LRP1-AS: variants seen among roughly 807,000 people sequenced by gnomAD.
LRP1-AS encodes the protein LRP1 antisense RNA.
intron 1 of LRP1-AS, chr12:57,145,410 C>A (rs756497827): frequency 1.2e-6 from 2 of 1,614,138 alleles, no homozygotes; most frequent in Admixed American, 1.7e-5. Flanking sequence ...GCTGCTCAGA[C>A]GCAGCTCAAG....
intron 1 of LRP1-AS, among the ~76,000 whole-genome samples, chr12:57,145,816 G>A (rs1240077306): frequency 6.6e-6 from 1 of 152,142 alleles, no homozygotes; most frequent in Non-Finnish European, 1.5e-5. Flanking sequence ...ACTTTCCGGT[G>A]CAGTGGGAGC....
At chr12:57,145,427 C>G in intron 1 of LRP1-AS, 1 of 1,614,118 alleles carries the variant, frequency 6.2e-7, no homozygotes, top group Non-Finnish European at 8.5e-7. Context: ...CAAGTGTGCC[C>G]GCATGCCTGG....
exon 2 of LRP1-AS, chr12:57,144,946 C>T: frequency 6.2e-7 from 1 of 1,609,922 alleles, no homozygotes; most frequent in Non-Finnish European, 8.5e-7. Context: ...CTGGAAATGA[C>T]CACATTCTTG....
chr12:57,146,965 C>T (rs1191150384), intron 1 of LRP1-AS, among the ~76,000 whole-genome samples: 3 of 152,014 alleles, frequency 2.0e-5, no homozygotes. Context: ...ATACAGTGGG[C>T]TTCTGGGTAG....
At chr12:57,147,304 C>T (rs1302089677) in intron 1 of LRP1-AS, 1 of 152,250 alleles carries the variant, frequency 6.6e-6, no homozygotes, top group Admixed American at 6.5e-5. Flanking sequence ...CTCCCACAAA[C>T]TAATTATGGG....
At chr12:57,147,068 C>T (rs1215681301) in intron 1 of LRP1-AS, among the ~76,000 whole-genome samples, 1 of 152,112 alleles carries the variant, frequency 6.6e-6, no homozygotes, top group Non-Finnish European at 1.5e-5. Flanking sequence ...GCTGGTACCC[C>T]TCCCTTGGCA....
chr12:57,145,319 C>G lies in LRP1-AS; in HGVS notation n.182-236G>C. The G allele has an allele frequency of 1.9e-6, 3 of 1,614,170 alleles. No homozygotes were observed. The East Asian group carries it at 6.7e-5, about 36-fold the overall frequency. On this transcript the variant is annotated intron_variant and non_coding_transcript_variant, in intron 1 of 1. Transcript: ENST00000555461. ...TGGGGCCCAGGTGTCTACCATCACA[C>G]CTACGAGCACGCGGCAGACCACAGC...
In LRP1-AS at chr12:57,144,822, A is replaced by C. The variant is rs1221908705; in HGVS notation, n.443T>G. 4 of 755,482 alleles carry C rather than the reference A, an allele frequency of 5.3e-6. No individual in the cohort carries two copies. The East Asian group carries it at 1.0e-4, about 19-fold the overall frequency. 46.8% of individuals were successfully genotyped at this position (755,482 alleles called of 1,614,324 possible). On this transcript the variant is annotated non_coding_transcript_exon_variant, in exon 2 of 2. Coordinates refer to ENST00000555461, the Ensembl canonical transcript of LRP1-AS. ...CCAAGACTGGACTTGCTGGGTGTTA[A>C]GGTTTGCACATTTCATGCTGTAATA...
At chr12:57,146,157 C>T (rs1019837764) in intron 1 of LRP1-AS, among the ~76,000 whole-genome samples, 2 of 152,152 alleles carry the variant, frequency 1.3e-5, no homozygotes, top group Non-Finnish European at 2.9e-5. Context: ...ACGAGCATAG[C>T]TGGGTGTAGA....
At chr12:57,145,163 G>A (rs1178357189) in intron 1 of LRP1-AS, 4 of 1,613,304 alleles carry the variant, frequency 2.5e-6, no homozygotes, top group Non-Finnish European at 3.4e-6. Flanking sequence ...TCCCTGGTGG[G>A]TGGTGGCCTG....
At chr12:57,147,048 C>T (rs1166150741) in intron 1 of LRP1-AS, among the ~76,000 whole-genome samples, 2 of 152,130 alleles carry the variant, frequency 1.3e-5, no homozygotes, top group East Asian at 3.9e-4. Flanking sequence ...TGACTTCCTC[C>T]CCAGGAGAAG....
intron 1 of LRP1-AS, chr12:57,145,189 GC>G: frequency 6.2e-7 from 1 of 1,613,728 alleles, no homozygotes. Context: ...TGGTCCTAGA[GC>G]CCTGGCTGCA....
intron 1 of LRP1-AS, among the ~76,000 whole-genome samples, chr12:57,145,951 A>G (rs1040291106): frequency 6.6e-6 from 1 of 152,076 alleles, no homozygotes; most frequent in Non-Finnish European, 1.5e-5. Context: ...ACCATTGCCA[A>G]TGGACTCTCT....
rs147978152 is a variant in LRP1-AS, at chr12:57,146,851, C to T, written n.181+588G>A. On this transcript the variant is annotated intron_variant and non_coding_transcript_variant, in intron 1 of 1. Transcript: ENST00000555461. ...GATGGGGTGGGATTGGTGCTAGACC[C>T]TCTTGTGCAGCTGCCCTCCCCCTGT... is the stretch of plus-strand genomic sequence containing the variant. 339 of 152,466 alleles carry T rather than the reference C, an allele frequency of 2.2e-3. 4 individuals are homozygous for T. The highest frequency in any genetic ancestry group is 8.9e-3 in the East Asian group (46 of 5,174). The allele number at this position is 152,466 out of a possible 1,614,324, so 9.4% of individuals were successfully genotyped here.
chr12:57,147,047 C>T (rs1400427587), intron 1 of LRP1-AS, among the ~76,000 whole-genome samples: 2 of 152,124 alleles, frequency 1.3e-5, no homozygotes, highest in Non-Finnish European at 2.9e-5. Context: ...CTGACTTCCT[C>T]CCCAGGAGAA....
At chr12:57,144,890 A>G (rs2035368248) in exon 2 of LRP1-AS, 3 of 1,364,942 alleles carry the variant, frequency 2.2e-6, no homozygotes, top group African/African-American at 1.4e-5. Flanking sequence ...AAGGATGGAC[A>G]TGTTGATCAT....
exon 2 of LRP1-AS, chr12:57,144,937 T>G: frequency 6.2e-7 from 1 of 1,606,292 alleles, no homozygotes; most frequent in Non-Finnish European, 8.5e-7. Context: ...CTTGTCACAC[T>G]GGAAATGACC....
rs201697001 is a variant in LRP1-AS at position 57,145,323 on chromosome 12, C to T, written n.182-240G>A. 157 of 1,614,150 alleles carry T rather than the reference C, an allele frequency of 9.7e-5. No homozygotes were observed. Among genetic ancestry groups the T allele is most frequent in the South Asian group, 2.5e-4 (23 of 91,084 alleles). Reference sequence around the variant, plus strand: ...GCCCAGGTGTCTACCATCACACCTACGAGCACGCGGCAGACCACAGCCATG... The same window carrying T: ...GCCCAGGTGTCTACCATCACACCTATGAGCACGCGGCAGACCACAGCCATG... On this transcript the variant is annotated intron_variant and non_coding_transcript_variant, in intron 1 of 1. Transcript: ENST00000555461.
chr12:57,146,049 G>C (rs1361919443), intron 1 of LRP1-AS, among the ~76,000 whole-genome samples: 2 of 152,172 alleles, frequency 1.3e-5, no homozygotes, highest in African/African-American at 4.8e-5. Context: ...TGAGCCACAT[G>C]AGATTTTAGA....
Sources: gnomAD v4.1 joint callset for allele counts (sites outside exome capture counted in the v4.1 genomes callset) on GRCh38, gnomAD v4.1.1 for gene constraint, MANE v1.5 for transcripts, NCBI Gene and HGNC (gene_info 2026-07-23, HGNC 2026-07-21) for gene names.